STAT4: variants seen among roughly 807,000 people sequenced by gnomAD.
STAT4 encodes signal transducer and activator of transcription 4.
STAT4 carries 42 observed loss-of-function variants against 110.5 expected under a neutral mutation model. The observed-to-expected ratio is 0.38, with a 90% CI of 0.30 to 0.49. STAT4 has a LOEUF of 0.49. Ranked by LOEUF, STAT4 falls within the 20% of genes least tolerant of loss-of-function variation. The pLI is 0.95. For missense variants in STAT4, 632 were observed against 887.9 expected (o/e 0.71, Z 3.66); for synonymous variants, 284 against 302.2 (o/e 0.94, Z 0.63).
chr2:191,071,395 T>A (rs187542513), intron 5 of STAT4, among the ~76,000 whole-genome samples: 1 of 152,190 alleles, frequency 6.6e-6, no homozygotes, highest in Admixed American at 6.5e-5. Context: ...GGAACCTACA[T>A]GCATGAGAAA....
At chr2:191,094,763 A>G (rs4853458) in intron 3 of STAT4, among the ~76,000 whole-genome samples, 118,894 of 151,880 alleles carry the variant, frequency 0.78, 46,823 homozygotes, top group African/African-American at 0.85. Flanking sequence ...ATGTAAATGG[A>G]CTGAATGCCA....
At chr2:191,063,991 C>T (rs1454887296) in intron 8 of STAT4, among the ~76,000 whole-genome samples, 1 of 152,092 alleles carries the variant, frequency 6.6e-6, no homozygotes, top group Non-Finnish European at 1.5e-5. Context: ...TCCAATTGTT[C>T]CTTCAATCAA....
intron 3 of STAT4, among the ~76,000 whole-genome samples, chr2:191,119,607 T>C (rs115964364): frequency 0.01 from 1,594 of 152,280 alleles, 36 homozygotes; most frequent in African/African-American, 0.036. Flanking sequence ...TTCCCCAAAA[T>C]TATCTATAGA....
In STAT4 at chr2:191,138,632, A is replaced by T. The variant is rs1387091961; in HGVS notation, c.273+7981T>A. Among the ~76,000 whole-genome samples the T allele has an allele frequency of 1.3e-5, 2 of 152,206 alleles. No homozygotes were observed. Among genetic ancestry groups the T allele is most frequent in the African/African-American group, 2.4e-5 (1 of 41,468 alleles). ...TAGTTTAAAAAAAATTGCCAACCAA[A>T]AAAGTCCAGGACCAGATGGATTCAC... On this transcript the variant is annotated intron_variant, in intron 3 of 23. Coordinates refer to ENST00000392320, the MANE Select transcript of STAT4 (RefSeq NM_003151.4). This position sits in a 1 kb window ranked among gnomAD's most constrained non-coding sequence, Gnocchi z 4.3.
At chr2:191,130,571 T>C (rs891799154) in intron 3 of STAT4, among the ~76,000 whole-genome samples, 1 of 151,782 alleles carries the variant, frequency 6.6e-6, no homozygotes. Context: ...CTGTTACTTT[T>C]AGAATATTTT....
rs1695940951 is a variant in STAT4 at position 191,032,952 on chromosome 2, C to G, written c.2044+6G>C. ...AAAAAAACAAAAACAAACAGAAAAA[C>G]CTAACCTTCGCAAGGCTGAGAGCTG... is the stretch of plus-strand genomic sequence containing the variant. On this transcript the variant is annotated splice_donor_region_variant and intron_variant, in intron 21 of 23. Transcript: ENST00000392320. This position sits in a 1 kb window ranked among gnomAD's most constrained non-coding sequence, Gnocchi z 4.9. The G allele has an allele frequency of 1.9e-6, 3 of 1,585,560 alleles. No individual in the cohort carries two copies. The highest frequency in any genetic ancestry group is 1.9e-5 in the Admixed American group (1 of 52,414).
Position 191,058,712 on chromosome 2 carries a change from G to A in STAT4, c.1092C>T (p.Asp364=). 6.3e-7 allele frequency: 1 copy of A among 1,579,838 alleles called. No homozygotes were observed. The highest frequency in any genetic ancestry group is 1.2e-5 in the South Asian group (1 of 83,704). ...CAAAACGAAATTAGAAAACTTACTT[G>A]TCAATTGATGCCTTAACCTTTACCT... is the stretch of plus-strand genomic sequence containing the variant. ...NYQVKVKASI[D]KNVSTLSNRR... Residue 364 remains aspartate (D), a splice_region_variant and synonymous_variant, in exon 11 of 24, where the codon GAC becomes GAT. Coordinates refer to ENST00000392320, the MANE Select transcript of STAT4 (RefSeq NM_003151.4). The surrounding 1 kb of genome is among the most constrained non-coding windows in gnomAD (Gnocchi z 4.3).
At chr2:191,036,067 T>G in intron 17 of STAT4, 97 bp downstream of exon 17, 1 of 1,374,604 alleles carries the variant, frequency 7.3e-7, no homozygotes, top group Non-Finnish European at 9.9e-7. Context: ...ATTATGATTA[T>G]CATCTTTATT....
In STAT4 at chr2:191,037,903, G is replaced by C. The variant is rs563757508; in HGVS notation, c.1434+1296C>G. 2.6e-5 allele frequency among the ~76,000 whole-genome samples: 4 copies of C among 152,202 alleles called. No individual in the cohort carries two copies. The highest frequency in any genetic ancestry group is 4.4e-5 in the Non-Finnish European group (3 of 68,036). ...AGGATAGAATTAAGAGGAGAAACCA[G>C]GATTAGTTGTTTAGACTGGTTCTGT... On this transcript the variant is annotated intron_variant, in intron 16 of 23. Transcript: ENST00000392320. The surrounding 1 kb of genome is among the most constrained non-coding windows in gnomAD (Gnocchi z 4.8).
At position 191,061,529 on chromosome 2, in the gene STAT4, C is replaced by T. The variant is rs1197832126; in HGVS notation, c.1034+200G>A. Among the ~76,000 whole-genome samples the T allele has an allele frequency of 1.3e-5, 2 of 152,174 alleles. No individual in the cohort carries two copies. Among genetic ancestry groups the T allele is most frequent in the Non-Finnish European group, 2.9e-5 (2 of 68,030 alleles). ...AGGCTAATATCCCTTATGTCCTCAT[C>T]TGCACTGTCATGCTCTTGACAAGCA... On this transcript the variant is annotated intron_variant, in intron 10 of 23. Coordinates refer to ENST00000392320, the MANE Select transcript of STAT4 (RefSeq NM_003151.4). The surrounding 1 kb of genome is among the most constrained non-coding windows in gnomAD (Gnocchi z 6.2).
In STAT4 at chr2:191,138,901, C is replaced by A. The variant is rs191665009; in HGVS notation, c.273+7712G>T. Reference sequence around the variant, plus strand: ...CCAACAGCATATCAAAAAGATAATACATCATGATCAAATGGGTTTATATTA... The same window carrying A: ...CCAACAGCATATCAAAAAGATAATAAATCATGATCAAATGGGTTTATATTA... On this transcript the variant is annotated intron_variant, in intron 3 of 23. Coordinates refer to ENST00000392320, the MANE Select transcript of STAT4 (RefSeq NM_003151.4). The surrounding 1 kb of genome is among the most constrained non-coding windows in gnomAD (Gnocchi z 4.3). 6.6e-6 allele frequency among the ~76,000 whole-genome samples: 1 copy of A among 152,128 alleles called. No homozygotes were observed. Among genetic ancestry groups the A allele is most frequent in the Non-Finnish European group, 1.5e-5 (1 of 67,978 alleles).
intron 3 of STAT4, among the ~76,000 whole-genome samples, chr2:191,133,083 T>A (rs954113903): frequency 6.6e-6 from 1 of 151,310 alleles, no homozygotes; most frequent in African/African-American, 2.4e-5. Flanking sequence ...TTAACTTGAG[T>A]GGAATTTCTT....
chr2:191,038,115 T>A (rs998716622), intron 16 of STAT4, among the ~76,000 whole-genome samples: 8 of 152,198 alleles, frequency 5.3e-5, no homozygotes, highest in Admixed American at 4.6e-4. Context: ...AAGTATCCCA[T>A]CACTCCTTCT....
rs541087147 is a variant in STAT4, at chr2:191,144,464, C to G, written c.273+2149G>C. Among the ~76,000 whole-genome samples the G allele has an allele frequency of 6.6e-6, 1 of 151,918 alleles. No individual in the cohort carries two copies. The highest frequency in any genetic ancestry group is 1.5e-5 in the Non-Finnish European group (1 of 67,980). On this transcript the variant is annotated intron_variant, in intron 3 of 23. Coordinates refer to ENST00000392320, the MANE Select transcript of STAT4 (RefSeq NM_003151.4). The surrounding 1 kb of genome is among the most constrained non-coding windows in gnomAD (Gnocchi z 4.7). Reference sequence around the variant, plus strand: ...ACGTGTTCAGGAACAAGTAGTAGATCTATTTTTCTGAGGTAGGGATGTGGA... The same window carrying G: ...ACGTGTTCAGGAACAAGTAGTAGATGTATTTTTCTGAGGTAGGGATGTGGA...
At chr2:191,115,113 T>A (rs541619341) in intron 3 of STAT4, among the ~76,000 whole-genome samples, 1 of 152,188 alleles carries the variant, frequency 6.6e-6, no homozygotes, top group East Asian at 1.9e-4. Context: ...CCAACACTTA[T>A]GGAGGGTCTG....
Position 191,125,870 on chromosome 2 carries a change from C to T in STAT4, c.273+20743G>A, listed in dbSNP as rs185825916. On this transcript the variant is annotated intron_variant, in intron 3 of 23. Transcript: ENST00000392320. ...GTCCCCAGGTCATCTCTAGGAAAGGCAGTAATGAAAGGTCAGAGGGTGCCT... is the reference window on the plus strand; with the variant it reads ...GTCCCCAGGTCATCTCTAGGAAAGGTAGTAATGAAAGGTCAGAGGGTGCCT... Among the ~76,000 whole-genome samples the T allele has an allele frequency of 3.3e-5, 5 of 152,180 alleles. No homozygotes were observed. In the East Asian group the frequency reaches 7.7e-4, roughly 24 times the overall value.
At chr2:191,036,412 T>A (rs2125151386) in intron 16 of STAT4, 113 bp from the exon 17 acceptor site, 1 of 1,110,146 alleles carries the variant, frequency 9.0e-7, no homozygotes, top group East Asian at 2.6e-5. Flanking sequence ...CTAGGAGTGT[T>A]GGGTGACTAT....
intron 3 of STAT4, among the ~76,000 whole-genome samples, chr2:191,111,667 A>C (rs115297366): frequency 0.11 from 17,048 of 152,294 alleles, 1,233 homozygotes; most frequent in Middle Eastern, 0.21. Context: ...AGCCTGGGCA[A>C]CATAGTAAGA....
chr2:191,053,881 C>G lies in STAT4; in HGVS notation c.1251+609G>C, dbSNP rs1331802548. 6.6e-6 allele frequency among the ~76,000 whole-genome samples: 1 copy of G among 152,162 alleles called. No homozygotes were observed. The highest frequency in any genetic ancestry group is 1.5e-5 in the Non-Finnish European group (1 of 68,014). On this transcript the variant is annotated intron_variant, in intron 14 of 23. Transcript: ENST00000392320. The surrounding 1 kb of genome is among the most constrained non-coding windows in gnomAD (Gnocchi z 4.5). Reference sequence around the variant, plus strand: ...CGGTGGCTCACGCCTATAATCCCAGCATTTTGGGAGACAAGGTGGGTGGAT... The same window carrying G: ...CGGTGGCTCACGCCTATAATCCCAGGATTTTGGGAGACAAGGTGGGTGGAT...
Sources: allele counts gnomAD v4.1 joint callset (sites outside exome capture counted in the v4.1 genomes callset), GRCh38; gene constraint gnomAD v4.1.1; non-coding constraint Gnocchi (gnomAD v3.1); transcripts MANE v1.5; gene names NCBI Gene and HGNC (gene_info 2026-07-23, HGNC 2026-07-21).